The following TBX15 variants were observed in gnomAD, a reference collection of about 807,000 sequenced individuals.
The protein encoded by TBX15 is T-box transcription factor 15.
A neutral mutation model predicts 53.9 loss-of-function variants in TBX15; 18 were observed. The ratio of observed to expected loss-of-function variants is 0.33; its 90% CI spans 0.23 to 0.49. The LOEUF is 0.49. TBX15 is among the 20% of genes least tolerant of loss of function. The pLI is 0.98. For missense variants in TBX15, 692 were observed against 749.5 expected (o/e 0.92, Z 0.90); for synonymous variants, 295 against 278.0 (o/e 1.06, Z -0.61).
At chr1:118,934,828 G>C (rs1014505710) in intron 1 of TBX15, among the ~76,000 whole-genome samples, 1 of 152,184 alleles carries the variant, frequency 6.6e-6, no homozygotes, top group Non-Finnish European at 1.5e-5. Context: ...GGCAGTATTT[G>C]TCCATGAAGA....
intron 1 of TBX15, among the ~76,000 whole-genome samples, chr1:118,986,455 C>G (rs78476309): frequency 0.018 from 2,746 of 152,290 alleles, 73 homozygotes; most frequent in African/African-American, 0.062. Context: ...CTGCAGGTCA[C>G]CCGCTAATCG....
chr1:118,922,377 C>T (rs931626197), intron 5 of TBX15, among the ~76,000 whole-genome samples: 1 of 152,200 alleles, frequency 6.6e-6, no homozygotes, highest in African/African-American at 2.4e-5. Context: ...TGCTTCTATG[C>T]CCCGCTTTTC....
At chr1:118,928,515 A>G (rs1240094149) in intron 2 of TBX15, among the ~76,000 whole-genome samples, 1 of 152,224 alleles carries the variant, frequency 6.6e-6, no homozygotes, top group African/African-American at 2.4e-5. Context: ...CTTGATCTAC[A>G]CATTTAAATA....
At chr1:118,894,850 A>C (rs1001087942) in intron 7 of TBX15, among the ~76,000 whole-genome samples, 3 of 152,006 alleles carry the variant, frequency 2.0e-5, no homozygotes, top group African/African-American at 7.3e-5. Flanking sequence ...GATGCTCCCT[A>C]CCCCCTATCA....
At chr1:118,918,625 G>A (rs1323566419) in intron 5 of TBX15, among the ~76,000 whole-genome samples, 1 of 152,136 alleles carries the variant, frequency 6.6e-6, no homozygotes, top group Admixed American at 6.6e-5. Context: ...TTACTTTACT[G>A]ATTTTATTTC....
At chr1:118,960,400 C>A (rs1489794809) in intron 1 of TBX15, among the ~76,000 whole-genome samples, 3 of 152,192 alleles carry the variant, frequency 2.0e-5, no homozygotes, top group Non-Finnish European at 2.9e-5. Flanking sequence ...ACACCTGCAG[C>A]TCTTCACTGC....
At position 118,914,126 on chromosome 1, in the gene TBX15, A is replaced by G; in HGVS notation, c.915T>C (p.Ser305=). 6.2e-7 allele frequency: 1 copy of G among 1,613,850 alleles called. No homozygotes were observed. The highest frequency in any genetic ancestry group is 1.1e-5 in the South Asian group (1 of 91,066). Residue 305 remains serine, a synonymous_variant, in exon 6 of 8, where the codon TCT becomes TCC. Coordinates refer to ENST00000369429, the MANE Select transcript of TBX15 (RefSeq NM_001330677.2). ...RNPFAKGFRD[S]GRNRTGLEAI... is the part of the protein sequence containing the mutation. Reference sequence around the variant, plus strand: ...CCAGTGATTCTTACCTGTTTCTCCCAGAATCTCTGAATCCTTTAGCAAAAG... The same window carrying G: ...CCAGTGATTCTTACCTGTTTCTCCCGGAATCTCTGAATCCTTTAGCAAAAG...
At chr1:118,901,043 G>A (rs1654612836) in intron 6 of TBX15, among the ~76,000 whole-genome samples, 1 of 152,122 alleles carries the variant, frequency 6.6e-6, no homozygotes, top group Admixed American at 6.5e-5. Context: ...GGAAGACTAT[G>A]AAATTGCAAT....
intron 1 of TBX15, among the ~76,000 whole-genome samples, chr1:118,946,084 T>A (rs867013036): frequency 1.3e-5 from 2 of 152,250 alleles, no homozygotes; most frequent in Middle Eastern, 3.4e-3. Flanking sequence ...TATAGCATCT[T>A]TAAAAAAATA....
At chr1:118,955,856 G>A (rs75047422) in intron 1 of TBX15, among the ~76,000 whole-genome samples, 12 of 152,260 alleles carry the variant, frequency 7.9e-5, no homozygotes, top group Admixed American at 3.9e-4. Flanking sequence ...ATAAAAGATC[G>A]TCTACCAAAT....
Position 118,987,825 on chromosome 1 carries a change from GCC to G in TBX15, c.-32_-31del. On this transcript the variant is annotated 5_prime_UTR_variant, in exon 1 of 8. Coordinates refer to ENST00000369429, the MANE Select transcript of TBX15 (RefSeq NM_001330677.2). Reference sequence around the variant, plus strand: ...GCCGCCCACACCCCTGCCTCCGCTTGCCCCCGCTACCGAGGGAGCAGCCGGCG... The same window carrying G: ...GCCGCCCACACCCCTGCCTCCGCTTGCCCGCTACCGAGGGAGCAGCCGGCG... 2.6e-6 allele frequency: 4 copies of G among 1,545,972 alleles called. No individual in the cohort carries two copies. The highest frequency in any genetic ancestry group is 3.5e-6 in the Non-Finnish European group (4 of 1,145,084).
At chr1:118,939,347 G>T (rs1351984853) in intron 1 of TBX15, among the ~76,000 whole-genome samples, 1 of 141,166 alleles carries the variant, frequency 7.1e-6, no homozygotes, top group African/African-American at 2.6e-5. Flanking sequence ...GGTCGAGGCT[G>T]CAGTGAGCTG....
intron 6 of TBX15, among the ~76,000 whole-genome samples, chr1:118,904,657 C>CATTA: frequency 6.6e-6 from 1 of 152,286 alleles, no homozygotes; most frequent in Admixed American, 6.5e-5. Context: ...TATGAATCAG[C>CATTA]AGTAATGGCA....
At chr1:118,904,631 C>T (rs990774140) in intron 6 of TBX15, among the ~76,000 whole-genome samples, 23 of 152,174 alleles carry the variant, frequency 1.5e-4, no homozygotes, top group Admixed American at 1.1e-3. Context: ...CTTAAGAACC[C>T]TGTCCTCCCT....
intron 3 of TBX15, among the ~76,000 whole-genome samples, chr1:118,925,765 G>T (rs1187195649): frequency 1.3e-5 from 2 of 152,120 alleles, no homozygotes; most frequent in Admixed American, 6.5e-5. Context: ...CTCCCCACTT[G>T]CCATACTAGT....
At chr1:118,926,689 G>T (rs967541833) in intron 2 of TBX15, 78 bp from the exon 3 acceptor site, 5 of 1,239,014 alleles carry the variant, frequency 4.0e-6, no homozygotes, top group African/African-American at 3.0e-5. Flanking sequence ...AACAATGTGG[G>T]TTTTTTTGTT....
rs887047246 is a variant in TBX15, at chr1:118,883,167, G to T, written c.*1565C>A. ...TACATATTTTACATACCCTTTTATT[G>T]CCCCCTTTTTCATATTCATAATATT... On this transcript the variant is annotated 3_prime_UTR_variant, in exon 8 of 8. Coordinates refer to ENST00000369429, the MANE Select transcript of TBX15 (RefSeq NM_001330677.2). The T allele has an allele frequency of 1.3e-5, 2 of 152,342 alleles. No individual in the cohort carries two copies. The highest frequency in any genetic ancestry group is 2.9e-5 in the Non-Finnish European group (2 of 67,982). The allele number at this position is 152,342 out of a possible 1,614,324, so 9.4% of individuals were successfully genotyped here.
intron 1 of TBX15, among the ~76,000 whole-genome samples, chr1:118,981,974 T>TA (rs932629547): frequency 9.2e-5 from 14 of 152,236 alleles, no homozygotes; most frequent in Non-Finnish European, 2.9e-5. Flanking sequence ...ACCAGTTCCT[T>TA]AGTTTTCCCT....
chr1:118,952,052 G>A (rs1370458179), intron 1 of TBX15, among the ~76,000 whole-genome samples: 2 of 152,148 alleles, frequency 1.3e-5, no homozygotes, highest in Non-Finnish European at 2.9e-5. Context: ...CCCTGAGACA[G>A]CAAAACCAAC....
Sources: allele counts gnomAD v4.1 joint callset (sites outside exome capture counted in the v4.1 genomes callset), GRCh38; gene constraint gnomAD v4.1.1; transcripts MANE v1.5; gene names NCBI Gene and HGNC (gene_info 2026-07-23, HGNC 2026-07-21).